TMPRSS7: variants seen among roughly 807,000 people sequenced by gnomAD.
The protein encoded by TMPRSS7 is transmembrane serine protease 7, also known as transmembrane protease serine 7.
In TMPRSS7, 81 loss-of-function variants were observed where a neutral mutation model predicts 95.6. That is an observed-to-expected ratio of 0.85 (90% CI 0.71 to 1.02). The LOEUF is 1.02. Among genes scored for constraint, TMPRSS7 ranks in the 50% least tolerant of loss-of-function variants. The pLI, the probability that TMPRSS7 is intolerant of heterozygous loss-of-function variation, is 0.00. For synonymous variants in TMPRSS7, 364 were observed against 337.8 expected, an observed-to-expected ratio of 1.08 and a Z score of -0.85; for missense variants, 945 against 955.2, an observed-to-expected ratio of 0.99 and a Z score of 0.14.
At chr3:112,072,738 G>T (rs1056954931) in intron 13 of TMPRSS7, among the ~76,000 whole-genome samples, 2 of 152,264 alleles carry the variant, frequency 1.3e-5, no homozygotes, top group African/African-American at 4.8e-5. Flanking sequence ...TGCTGCGCTA[G>T]CAGTGAACAA....
intron 11 of TMPRSS7, among the ~76,000 whole-genome samples, chr3:112,062,589 A>C (rs2073523250): frequency 6.6e-6 from 1 of 152,218 alleles, no homozygotes; most frequent in Non-Finnish European, 1.5e-5. Context: ...ATTTCTTTAG[A>C]CCATGTCCTT....
chr3:112,045,935 T>A, exon 5 of TMPRSS7: 1 of 1,547,244 alleles, frequency 6.5e-7, no homozygotes, highest in Non-Finnish European at 8.7e-7. Context: ...GACTCTGTGG[T>A]ACTAAATGGT....
chr3:112,041,180 G>T (rs1261333873), intron 2 of TMPRSS7, among the ~76,000 whole-genome samples: 5 of 151,896 alleles, frequency 3.3e-5, no homozygotes, highest in African/African-American at 4.8e-5. Context: ...GAGGCAAGGT[G>T]ATCAGTCCAA....
chr3:112,075,350 C>A, exon 15 of TMPRSS7: 1 of 1,456,886 alleles, frequency 6.9e-7, no homozygotes, highest in Non-Finnish European at 9.1e-7. Context: ...CGCCCTTCAC[C>A]GCATCATCGG....
At chr3:112,041,368 A>C (rs528563931) in intron 2 of TMPRSS7, among the ~76,000 whole-genome samples, 1 of 152,142 alleles carries the variant, frequency 6.6e-6, no homozygotes, top group Non-Finnish European at 1.5e-5. Flanking sequence ...ATTCTTTTTA[A>C]TTCAGCCATC....
At chr3:112,067,657 G>T (rs994055961) in intron 13 of TMPRSS7, among the ~76,000 whole-genome samples, 1 of 152,132 alleles carries the variant, frequency 6.6e-6, no homozygotes, top group Non-Finnish European at 1.5e-5. Context: ...CATATCCTTT[G>T]CCCACTTTTT....
rs571678869 is a variant in TMPRSS7 at position 112,070,474 on chromosome 3, T to C, written c.1667-3822T>C. Among the ~76,000 whole-genome samples, 306 of 152,346 alleles carry C rather than the reference T, an allele frequency of 2.0e-3. 1 individual carries two copies. The highest frequency in any genetic ancestry group is 3.6e-3 in the Non-Finnish European group (248 of 68,028). ...TTGTGTGGGAGTCTAAGTCTCTTTGTAGGTCTCTAAAGACTTGCTTTATGA... is the reference window on the plus strand; with the variant it reads ...TTGTGTGGGAGTCTAAGTCTCTTTGCAGGTCTCTAAAGACTTGCTTTATGA... On this transcript the variant is annotated intron_variant, in intron 13 of 17. Transcript: ENST00000452346.
At chr3:112,071,235 G>T (rs915003947) in intron 13 of TMPRSS7, among the ~76,000 whole-genome samples, 4 of 152,148 alleles carry the variant, frequency 2.6e-5, no homozygotes, top group African/African-American at 9.7e-5. Context: ...GAAATTCTGG[G>T]TTGAAAATTC....
chr3:112,074,996 A>G (rs936665077), intron 14 of TMPRSS7, among the ~76,000 whole-genome samples: 6 of 152,240 alleles, frequency 3.9e-5, no homozygotes, highest in Non-Finnish European at 8.8e-5. Flanking sequence ...AACTTCAAAG[A>G]AATTCTCAAT....
intron 5 of TMPRSS7, 89 bp from the exon 6 acceptor site, chr3:112,046,882 AAAG>A: frequency 1.4e-6 from 1 of 690,194 alleles, no homozygotes; most frequent in East Asian, 2.7e-5. Flanking sequence ...GATTGCCTTT[AAAG>A]AAGGACTGAA....
At chr3:112,041,873 C>T (rs2073213939) in intron 2 of TMPRSS7, 47 bp from the exon 3 acceptor site, 1 of 1,272,136 alleles carries the variant, frequency 7.9e-7, no homozygotes, top group Non-Finnish European at 1.1e-6. Flanking sequence ...TCCTTACTGC[C>T]ACACAGATGG....
intron 11 of TMPRSS7, among the ~76,000 whole-genome samples, chr3:112,062,771 A>G (rs1235611241): frequency 1.3e-5 from 2 of 152,170 alleles, no homozygotes; most frequent in Non-Finnish European, 2.9e-5. Context: ...ATCATGTGCC[A>G]TTGAAATAGT....
In TMPRSS7 at chr3:112,054,729, C is replaced by CTTTTTTTTTTT. The variant is rs1161735611; in HGVS notation, c.1204-2277_1204-2267dup. On this transcript the variant is annotated intron_variant, in intron 9 of 17. Coordinates refer to ENST00000452346, the Ensembl canonical transcript of TMPRSS7. ...AACATATTTACTATCTCTCAGTTTG[C>CTTTTTTTTTTT]TTTTTTTTTTTTTTTTTTTTTTTTT... 6.0e-3 allele frequency among the ~76,000 whole-genome samples: 294 copies of CTTTTTTTTTTT among 49,028 alleles called. 116 individuals are homozygous for CTTTTTTTTTTT. Among genetic ancestry groups the CTTTTTTTTTTT allele is most frequent in the East Asian group, 0.028 (32 of 1,136 alleles). 32.2% of individuals were successfully genotyped at this position (49,028 alleles called of 152,430 possible). A position where few individuals can be genotyped will look rare whatever the true frequency, so the allele number is the denominator to read the frequency against.
intron 9 of TMPRSS7, among the ~76,000 whole-genome samples, chr3:112,052,686 T>C (rs564699805): frequency 6.6e-4 from 100 of 152,178 alleles, no homozygotes; most frequent in Non-Finnish European, 1.4e-3. Context: ...CTTCAGTCTC[T>C]CCACAAAGCA....
At chr3:112,046,477 CATGTT>C (rs1313376814) in intron 5 of TMPRSS7, among the ~76,000 whole-genome samples, 11 of 151,938 alleles carry the variant, frequency 7.2e-5, no homozygotes, top group African/African-American at 1.5e-4. Context: ...CATATATGAA[CATGTT>C]ATAAGTATAT....
At chr3:112,070,320 A>G (rs1279218692) in intron 13 of TMPRSS7, among the ~76,000 whole-genome samples, 1 of 152,190 alleles carries the variant, frequency 6.6e-6, no homozygotes. Context: ...TTTGGGGTAG[A>G]GAGTTCTGTA....
At chr3:112,056,683 A>G (rs989237501) in intron 9 of TMPRSS7, among the ~76,000 whole-genome samples, 2 of 152,248 alleles carry the variant, frequency 1.3e-5, no homozygotes, top group Non-Finnish European at 2.9e-5. Flanking sequence ...CAGTTGTGTC[A>G]TATGTACATT....
intron 13 of TMPRSS7, among the ~76,000 whole-genome samples, chr3:112,067,604 G>A (rs2073592760): frequency 6.6e-6 from 1 of 152,148 alleles, no homozygotes; most frequent in South Asian, 2.1e-4. Context: ...TTTTTCTTGT[G>A]TCTGTTGGCT....
chr3:112,072,720 T>G (rs2073665800), intron 13 of TMPRSS7, among the ~76,000 whole-genome samples: 1 of 152,230 alleles, frequency 6.6e-6, no homozygotes, highest in South Asian at 2.1e-4. Flanking sequence ...GGCAGTTGGA[T>G]CTCAGACTGC....
Sources: allele counts gnomAD v4.1 joint callset (sites outside exome capture counted in the v4.1 genomes callset), GRCh38; gene constraint gnomAD v4.1.1; transcripts MANE v1.5; gene names NCBI Gene and HGNC (gene_info 2026-07-23, HGNC 2026-07-21).